The following ST7 variants were observed in gnomAD, a reference collection of about 807,000 sequenced individuals.
ST7 encodes suppressor of tumorigenicity 7 protein.
A neutral mutation model predicts 78.7 loss-of-function variants in ST7; 28 were observed. That is an observed-to-expected ratio of 0.36 (90% CI 0.26 to 0.49). The LOEUF (loss-of-function observed/expected upper bound fraction) is 0.49, where lower values mean the gene tolerates loss of function less well. Among genes scored for constraint, ST7 ranks in the 20% least tolerant of loss-of-function variants. ST7 has a pLI of 0.99. For missense variants in ST7, 418 were observed against 696.0 expected (o/e 0.60, Z 4.49); for synonymous variants, 247 against 249.6 (o/e 0.99, Z 0.10).
chr7:117,165,246 A>C (rs1807454784), intron 9 of ST7, among the ~76,000 whole-genome samples: 1 of 152,100 alleles, frequency 6.6e-6, no homozygotes, highest in Non-Finnish European at 1.5e-5. Flanking sequence ...AGAATTTGAA[A>C]GGTTCTTGGT....
intron 15 of ST7, 90 bp downstream of exon 15, chr7:117,222,152 A>G: frequency 7.0e-7 from 1 of 1,428,670 alleles, no homozygotes; most frequent in Non-Finnish European, 9.3e-7. Context: ...GTTGCCTTAC[A>G]GAAATGGGTA....
chr7:117,056,449 A>G (rs1005051955), intron 1 of ST7, among the ~76,000 whole-genome samples: 1 of 152,112 alleles, frequency 6.6e-6, no homozygotes, highest in African/African-American at 2.4e-5. Context: ...CCTGACCAAC[A>G]TGGAGAAACC....
chr7:117,208,917 GTGTGTGTGT>G (rs1792042895), intron 12 of ST7, among the ~76,000 whole-genome samples: 1 of 150,806 alleles, frequency 6.6e-6, no homozygotes, highest in African/African-American at 2.4e-5. Context: ...GTGTGTGTGT[GTGTGTGTGT>G]GTGTGTGTGT....
chr7:117,176,707 G>A (rs1340831997), intron 10 of ST7, among the ~76,000 whole-genome samples: 2 of 152,192 alleles, frequency 1.3e-5, no homozygotes, highest in Non-Finnish European at 2.9e-5. Context: ...GATGTGAGAT[G>A]TCTGGAGGTC....
intron 9 of ST7, among the ~76,000 whole-genome samples, chr7:117,169,691 T>C (rs1165436727): frequency 6.6e-6 from 1 of 152,134 alleles, no homozygotes; most frequent in African/African-American, 2.4e-5. Context: ...GACATCTTGC[T>C]ACTGTACCTG....
chr7:117,091,411 A>G (rs920048022), intron 1 of ST7, among the ~76,000 whole-genome samples: 6 of 152,220 alleles, frequency 3.9e-5, no homozygotes, highest in Admixed American at 3.3e-4. Context: ...AGGACTAGAA[A>G]AAAAACCACT....
At chr7:117,138,162 G>A (rs768244616) in intron 8 of ST7, among the ~76,000 whole-genome samples, 7 of 152,082 alleles carry the variant, frequency 4.6e-5, no homozygotes, top group Non-Finnish European at 7.4e-5. Flanking sequence ...CTTGTAAACC[G>A]TATACACTGT....
In ST7 at chr7:117,009,257, G is replaced by GTTTTTT. The variant is rs1171249318; in HGVS notation, c.151+55574_151+55579dup. Among the ~76,000 whole-genome samples the GTTTTTT allele has an allele frequency of 5.4e-4, 10 of 18,482 alleles. 1 individual carries two copies. Among genetic ancestry groups the GTTTTTT allele is most frequent in the African/African-American group, 6.7e-4 (4 of 5,946 alleles). The allele number at this position is 18,482 out of a possible 152,430, so 12.1% of individuals were successfully genotyped here. On this transcript the variant is annotated intron_variant, in intron 1 of 15. Coordinates refer to ENST00000323984, the MANE Select transcript of ST7 (RefSeq NM_001369598.1). ...TAAAGAACTTCTCCACTTTTTTTTT[G>GTTTTTT]TTTTTTTTTTTTTGTTTTTGGCCTC...
intron 13 of ST7, among the ~76,000 whole-genome samples, chr7:117,212,878 C>A (rs1234777947): frequency 1.3e-5 from 2 of 152,192 alleles, no homozygotes; most frequent in Non-Finnish European, 2.9e-5. Flanking sequence ...CCCCTCCAAA[C>A]CCAGACAATC....
At chr7:117,050,681 A>G (rs1447659011) in intron 1 of ST7, among the ~76,000 whole-genome samples, 1 of 152,200 alleles carries the variant, frequency 6.6e-6, no homozygotes, top group Admixed American at 6.5e-5. Context: ...CTGTGATACT[A>G]GCACTTAAGG....
At position 117,202,258 on chromosome 7, in the gene ST7, G is replaced by A. The variant is rs182644204; in HGVS notation, c.1255-7529G>A. ...ATTACAGGCGTGAGCCACCGCGCCC[G>A]GCCTCGAAGCTATCTTGAGAGATCT... On this transcript the variant is annotated intron_variant, in intron 12 of 15. Transcript: ENST00000323984. 2.4e-4 allele frequency among the ~76,000 whole-genome samples: 5 copies of A among 20,466 alleles called. 2 individuals are homozygous for A. The highest frequency in any genetic ancestry group is 6.0e-4 in the Non-Finnish European group (5 of 8,378). The allele number at this position is 20,466 out of a possible 152,430, so 13.4% of individuals were successfully genotyped here.
chr7:117,204,601 C>G (rs1264030295), intron 12 of ST7, among the ~76,000 whole-genome samples: 2 of 152,084 alleles, frequency 1.3e-5, no homozygotes, highest in African/African-American at 4.8e-5. Flanking sequence ...TGCTTTGTGT[C>G]TTACTGATTC....
intron 1 of ST7, among the ~76,000 whole-genome samples, chr7:117,031,271 CAAAAT>C (rs1000991257): frequency 2.0e-5 from 3 of 151,038 alleles, no homozygotes; most frequent in East Asian, 1.9e-4. Flanking sequence ...ACTGAGGTGA[CAAAAT>C]AATCTGTACA....
intron 2 of ST7, among the ~76,000 whole-genome samples, chr7:117,106,664 A>T (rs541538611): frequency 8.1e-6 from 1 of 123,520 alleles, no homozygotes; most frequent in East Asian, 2.3e-4. Context: ...TCTGTTGCCC[A>T]GGCTGGAGTG....
chr7:117,042,274 A>G (rs781249238), intron 1 of ST7, among the ~76,000 whole-genome samples: 1 of 152,228 alleles, frequency 6.6e-6, no homozygotes, highest in Non-Finnish European at 1.5e-5. Context: ...GTTTATTTAA[A>G]TAATTCTCTA....
At chr7:117,037,611 A>C (rs1005155580) in intron 1 of ST7, among the ~76,000 whole-genome samples, 4 of 152,210 alleles carry the variant, frequency 2.6e-5, no homozygotes, top group African/African-American at 9.6e-5. Flanking sequence ...TGTGTTGCAC[A>C]TAAAGACTTT....
intron 6 of ST7, among the ~76,000 whole-genome samples, 164 bp downstream of exon 6, chr7:117,132,124 G>A (rs1189687124): frequency 6.6e-6 from 1 of 151,766 alleles, no homozygotes; most frequent in Non-Finnish European, 1.5e-5. Flanking sequence ...ATGAAGGACA[G>A]CCACCATGTG....
chr7:116,967,476 C>T (rs555406901), intron 1 of ST7: 23 of 466,158 alleles, frequency 4.9e-5, no homozygotes, highest in Middle Eastern at 9.2e-4. Flanking sequence ...AGAGGCAGGT[C>T]TACAGCTCTA....
chr7:117,226,039 G>T (rs1793420748), intron 15 of ST7, among the ~76,000 whole-genome samples: 1 of 152,094 alleles, frequency 6.6e-6, no homozygotes, highest in Admixed American at 6.5e-5. Flanking sequence ...TCCTTCTCTT[G>T]TCTCTCTCCT....
Sources: allele counts gnomAD v4.1 joint callset (sites outside exome capture counted in the v4.1 genomes callset), GRCh38; gene constraint gnomAD v4.1.1; transcripts MANE v1.5; gene names NCBI Gene and HGNC (gene_info 2026-07-23, HGNC 2026-07-21).